The following GPN3 variants were observed in gnomAD, a reference collection of about 807,000 sequenced individuals.
GPN3 encodes the protein ATP-binding domain 1 family member C.
GPN3 carries 31 observed loss-of-function variants against 38.7 expected under a neutral mutation model. The observed-to-expected ratio is 0.80, with a 90% confidence interval of 0.60 to 1.08. The LOEUF (loss-of-function observed/expected upper bound fraction) is 1.08. Among genes scored for constraint, GPN3 ranks in the 50% least tolerant of loss-of-function variants. The probability of loss-of-function intolerance (pLI) is 0.00; values close to 1 mark genes in which losing one functional copy is unlikely to be tolerated. For synonymous variants in GPN3, 116 were observed against 120.2 expected, an observed-to-expected ratio of 0.96 and a Z score of 0.23; for missense variants, 301 against 354.4, an observed-to-expected ratio of 0.85 and a Z score of 1.21.
rs556056325 is a variant in GPN3 at position 110,465,581 on chromosome 12, A to G, written c.49-367T>C. On this transcript the variant is annotated intron_variant, in intron 1 of 7. Transcript: ENST00000228827. ...CTACCAGGACTTGTACAGTGCAAAC[A>G]AAGCTTTAGGTAGGATGGTCAGGGA... is the stretch of plus-strand genomic sequence containing the variant. Among the ~76,000 whole-genome samples the G allele has an allele frequency of 2.0e-5, 3 of 152,300 alleles. No homozygotes were observed. In the South Asian group the frequency reaches 6.2e-4, roughly 32 times the overall value.
chr12:110,461,381 T>G (rs958655821), intron 2 of GPN3: 1 of 533,282 alleles, frequency 1.9e-6, no homozygotes, highest in Admixed American at 3.1e-5. Flanking sequence ...GTCAAATACA[T>G]CAAATAAAGT....
intron 2 of GPN3, among the ~76,000 whole-genome samples, chr12:110,461,999 G>A (rs1172002833): frequency 6.6e-6 from 1 of 152,066 alleles, no homozygotes; most frequent in East Asian, 1.9e-4. Context: ...CCGCCAGCAT[G>A]CCAGGCTAAT....
intron 2 of GPN3, among the ~76,000 whole-genome samples, chr12:110,460,836 C>T (rs542398584): frequency 4.1e-4 from 63 of 152,278 alleles, no homozygotes; most frequent in Admixed American, 9.8e-4. Flanking sequence ...TGGCGGCGCA[C>T]GCCTGTAGTT....
chr12:110,468,309 G>GCCTCCAGTTCTACCACA (rs1355886506), upstream of GPN3: 54 of 1,585,192 alleles, frequency 3.4e-5, no homozygotes, highest in Admixed American at 8.9e-4. Flanking sequence ...TTCTTTCTAC[G>GCCTCCAGTTCTACCACA]CCTCCAGTTC....
intron 6 of GPN3, 68 bp from the exon 7 acceptor site, chr12:110,453,939 A>G: frequency 2.4e-6 from 3 of 1,274,898 alleles, no homozygotes; most frequent in Non-Finnish European, 3.3e-6. Flanking sequence ...TTCAACTTAT[A>G]TTTGAGTTTT....
At chr12:110,453,302 T>G (rs1055680330) in intron 7 of GPN3, among the ~76,000 whole-genome samples, 1 of 152,188 alleles carries the variant, frequency 6.6e-6, no homozygotes, top group Non-Finnish European at 1.5e-5. Flanking sequence ...TTAATGTGCT[T>G]CTATCCCAGA....
chr12:110,460,763 G>A (rs957740804), intron 2 of GPN3, among the ~76,000 whole-genome samples: 1 of 152,132 alleles, frequency 6.6e-6, no homozygotes, highest in Non-Finnish European at 1.5e-5. Context: ...TCAGGAGTTC[G>A]AGACCAGCCT....
intron 4 of GPN3, among the ~76,000 whole-genome samples, chr12:110,456,337 A>G (rs928294408): frequency 1.6e-4 from 25 of 151,702 alleles, no homozygotes; most frequent in Non-Finnish European, 3.2e-4. Context: ...CTCAAAAAAA[A>G]AAAAAAAAAA....
At chr12:110,455,988 C>A in intron 4 of GPN3, 58 bp from the exon 5 acceptor site, 1 of 897,478 alleles carries the variant, frequency 1.1e-6, no homozygotes, top group South Asian at 1.3e-5. Context: ...GTTACCTGGT[C>A]TGCATAAAGA....
chr12:110,468,027 C>G lies in GPN3; in HGVS notation c.48+129G>C, dbSNP rs909608554. 8.8e-6 allele frequency: 11 copies of G among 1,244,168 alleles called. No homozygotes were observed. The African/African-American group carries it at 1.3e-4, about 15-fold the overall frequency. The allele number at this position is 1,244,168 out of a possible 1,614,324, so 77.1% of individuals were successfully genotyped here. ...CAACAAAAAAGAACGTGAAGCCAGACAGCAGAAATGAGTTGCGTGGGGTCT... is the reference window on the plus strand; with the variant it reads ...CAACAAAAAAGAACGTGAAGCCAGAGAGCAGAAATGAGTTGCGTGGGGTCT... On this transcript the variant is annotated intron_variant, in intron 1 of 7. Transcript: ENST00000228827.
At chr12:110,457,457 CAAAA>C (rs56713819) in intron 4 of GPN3, 49 bp downstream of exon 4, 11,543 of 585,444 alleles carry the variant, frequency 0.02, no homozygotes, top group East Asian at 0.033. Context: ...GTCACACACA[CAAAA>C]AAAAAAAAAA....
In GPN3 at chr12:110,463,585, C is replaced by T. The variant is rs544677440; in HGVS notation, c.157+1521G>A. Among the ~76,000 whole-genome samples the T allele has an allele frequency of 9.3e-5, 11 of 118,064 alleles. No individual in the cohort carries two copies. In the Admixed American group the frequency reaches 1.1e-3, roughly 11 times the overall value. The allele number at this position is 118,064 out of a possible 152,430, so 77.5% of individuals were successfully genotyped here. Reference sequence around the variant, plus strand: ...AGGAGTTTGAGACCAGCCTGGGCAGCATGGTGAAACCCTGTCTCTACAAAA... The same window carrying T: ...AGGAGTTTGAGACCAGCCTGGGCAGTATGGTGAAACCCTGTCTCTACAAAA... On this transcript the variant is annotated intron_variant, in intron 2 of 7. Coordinates refer to ENST00000228827, the MANE Select transcript of GPN3 (RefSeq NM_016301.4).
intron 1 of GPN3, among the ~76,000 whole-genome samples, chr12:110,466,577 C>CCTT (rs2062629309): frequency 6.6e-6 from 1 of 151,946 alleles, no homozygotes; most frequent in South Asian, 2.1e-4. Flanking sequence ...TAGCTCACTG[C>CCTT]AGCTTTGACC....
intron 2 of GPN3, chr12:110,464,699 T>A (rs2135528053): frequency 5.7e-6 from 1 of 175,918 alleles, no homozygotes; most frequent in South Asian, 1.3e-4. Flanking sequence ...TTCAAGCGAT[T>A]CTCCTTTCTC....
At chr12:110,463,007 C>G (rs562825467) in intron 2 of GPN3, among the ~76,000 whole-genome samples, 1 of 152,298 alleles carries the variant, frequency 6.6e-6, no homozygotes, top group East Asian at 1.9e-4. Context: ...CCGCCTGCCT[C>G]GGCCTCCCAA....
intron 6 of GPN3, among the ~76,000 whole-genome samples, chr12:110,455,117 C>G (rs2062540599): frequency 2.0e-5 from 3 of 151,656 alleles, no homozygotes; most frequent in Non-Finnish European, 4.4e-5. Flanking sequence ...AGTCACCGCG[C>G]CTGGCCTAAT....
Position 110,452,900 on chromosome 12 carries a change from T to C in GPN3, c.*134A>G. ...AATAATTAAAAATTTGATTCAGGCA[T>C]GAGGCTGATAAAGAACGAAGTTTTA... On this transcript the variant is annotated 3_prime_UTR_variant, in exon 8 of 8. Coordinates refer to ENST00000228827, the MANE Select transcript of GPN3 (RefSeq NM_016301.4). 1 of 670,012 alleles carries C rather than the reference T, an allele frequency of 1.5e-6. No individual in the cohort carries two copies. The highest frequency in any genetic ancestry group is 2.3e-5 in the Admixed American group (1 of 43,442). 41.5% of individuals were successfully genotyped at this position (670,012 alleles called of 1,614,324 possible).
intron 6 of GPN3, 57 bp downstream of exon 6, chr12:110,455,529 G>C (rs1045409274): frequency 1.5e-5 from 11 of 748,412 alleles, no homozygotes; most frequent in Non-Finnish European, 2.4e-5. Flanking sequence ...CAAAGTGCTA[G>C]GGTTACAGGC....
rs969244196 is a variant in GPN3, at chr12:110,458,095, G to A, written c.326-461C>T. 2.0e-5 allele frequency among the ~76,000 whole-genome samples: 3 copies of A among 151,954 alleles called. No individual in the cohort carries two copies. The highest frequency in any genetic ancestry group is 4.4e-5 in the Non-Finnish European group (3 of 67,996). The stretch of plus-strand genomic sequence containing the variant: ...CACGCCACTGCACTCCAGCCTGGGC[G>A]ACAGAGTAAGACTCTGTCTTTAAAA... On this transcript the variant is annotated intron_variant, in intron 3 of 7. Coordinates refer to ENST00000228827, the MANE Select transcript of GPN3 (RefSeq NM_016301.4). The surrounding 1 kb of genome is among the most constrained non-coding windows in gnomAD (Gnocchi z 4.4).
Sources: gnomAD v4.1 joint callset for allele counts (sites outside exome capture counted in the v4.1 genomes callset) on GRCh38, gnomAD v4.1.1 for gene constraint, Gnocchi (gnomAD v3.1) non-coding constraint, MANE v1.5 for transcripts, NCBI Gene and HGNC (gene_info 2026-07-23, HGNC 2026-07-21) for gene names.